The following MAPK10 variants were observed in gnomAD, a reference collection of about 807,000 sequenced individuals.
MAPK10 encodes mitogen-activated protein kinase 10, also known as JNK3 alpha protein kinase.
MAPK10 carries 25 observed loss-of-function variants against 59.3 expected under a neutral mutation model. That is an observed-to-expected ratio of 0.42 (90% CI 0.31 to 0.59). MAPK10 has a LOEUF of 0.59. Ranked by LOEUF, MAPK10 falls within the 20% of genes least tolerant of loss-of-function variation. The pLI is 0.15. For missense variants in MAPK10, 351 were observed against 568.9 expected (o/e 0.62, Z 3.90); for synonymous variants, 190 against 200.5 (o/e 0.95, Z 0.44).
intron 9 of MAPK10, among the ~76,000 whole-genome samples, chr4:86,076,871 TA>T (rs1271825852): frequency 1.3e-5 from 2 of 152,194 alleles, no homozygotes; most frequent in African/African-American, 4.8e-5. Flanking sequence ...AGAATACCCA[TA>T]AATTACCATT....
intron 2 of MAPK10, among the ~76,000 whole-genome samples, chr4:86,325,188 T>G (rs1378063797): frequency 6.6e-6 from 1 of 152,168 alleles, no homozygotes; most frequent in Non-Finnish European, 1.5e-5. Context: ...AATAATTAAG[T>G]AACCAGGATT....
At chr4:86,537,120 G>A (rs747411598) in intron 1 of MAPK10, among the ~76,000 whole-genome samples, 1 of 152,200 alleles carries the variant, frequency 6.6e-6, no homozygotes, top group Non-Finnish European at 1.5e-5. Flanking sequence ...AACAACAGTA[G>A]CCCTGCAGGG....
chr4:86,234,547 A>G (rs565010401), intron 2 of MAPK10, among the ~76,000 whole-genome samples: 1 of 152,118 alleles, frequency 6.6e-6, no homozygotes, highest in Non-Finnish European at 1.5e-5. Flanking sequence ...TCAATAATAA[A>G]TACTATATTA....
intron 2 of MAPK10, chr4:86,300,993 G>A (rs1243675964): frequency 6.6e-6 from 1 of 151,894 alleles, no homozygotes; most frequent in Non-Finnish European, 1.5e-5. Context: ...GAAGGGTTTT[G>A]AGCAAGTTTC....
chr4:86,461,543 G>A (rs996070436), intron 1 of MAPK10, among the ~76,000 whole-genome samples: 6 of 152,192 alleles, frequency 3.9e-5, no homozygotes, highest in African/African-American at 1.4e-4. Context: ...AAGAAGGGGA[G>A]CTTGGAAGCA....
chr4:86,485,934 T>C lies in MAPK10; in HGVS notation c.-263+107976A>G, dbSNP rs553775265. ...ACCAACCCTCCTGGCACCTTTATTGTGAACTTCCAGCCGCCTGAGAAGTGA... is the reference window on the plus strand; with the variant it reads ...ACCAACCCTCCTGGCACCTTTATTGCGAACTTCCAGCCGCCTGAGAAGTGA... On this transcript the variant is annotated intron_variant, in intron 1 of 4. Coordinates refer to the MAPK10 transcript ENST00000502302. Among the ~76,000 whole-genome samples, 35 of 152,330 alleles carry C rather than the reference T, an allele frequency of 2.3e-4. No individual in the cohort carries two copies. The South Asian group carries it at 7.3e-3, about 32-fold the overall frequency.
intron 9 of MAPK10, among the ~76,000 whole-genome samples, chr4:86,074,704 G>C (rs2149013372): frequency 6.9e-6 from 1 of 144,154 alleles, no homozygotes; most frequent in South Asian, 2.2e-4. Flanking sequence ...TTTTCTTTAA[G>C]AATGTTGAAT....
At chr4:86,360,087 G>A (rs1736604584), upstream of MAPK10, 1 of 985,768 alleles carries the variant, frequency 1.0e-6, no homozygotes, top group African/African-American at 1.7e-5. Context: ...AGAGGGCTTG[G>A]GGAATGGGGT....
intron 3 of MAPK10, among the ~76,000 whole-genome samples, chr4:86,171,242 A>T (rs1341154254): frequency 6.6e-6 from 1 of 152,034 alleles, no homozygotes; most frequent in African/African-American, 2.4e-5. Flanking sequence ...AACTGAAGGA[A>T]ATAGAGACAC....
At chr4:86,021,145 A>G (rs1330130053) in intron 13 of MAPK10, among the ~76,000 whole-genome samples, 1 of 152,180 alleles carries the variant, frequency 6.6e-6, no homozygotes, top group African/African-American at 2.4e-5. Flanking sequence ...CAGAGTGTGG[A>G]TTGGTGCACT....
intron 1 of MAPK10, among the ~76,000 whole-genome samples, chr4:86,393,376 G>T (rs1742492430): frequency 6.7e-6 from 1 of 149,510 alleles, no homozygotes; most frequent in South Asian, 2.1e-4. Flanking sequence ...TAAACAAAAA[G>T]AAAAAGTCTA....
At chr4:86,096,091 A>G (rs1264276083) in intron 9 of MAPK10, among the ~76,000 whole-genome samples, 1 of 151,688 alleles carries the variant, frequency 6.6e-6, no homozygotes, top group Non-Finnish European at 1.5e-5. Context: ...GTACTATGTA[A>G]TCATCACTTG....
rs186581893 is a variant in MAPK10, at chr4:86,480,001, C to T, written c.-263+113909G>A. Among the ~76,000 whole-genome samples the T allele has an allele frequency of 2.9e-3, 447 of 152,154 alleles. 4 individuals are homozygous for T. Among genetic ancestry groups the T allele is most frequent in the African/African-American group, 0.01 (423 of 41,504 alleles). The stretch of plus-strand genomic sequence containing the variant: ...TCTCCATACCACCCCCAAAAATTTT[C>T]GCCACCCCAACACTTCAACACTATT... On this transcript the variant is annotated intron_variant, in intron 1 of 4. Coordinates refer to the MAPK10 transcript ENST00000502302.
intron 2 of MAPK10, among the ~76,000 whole-genome samples, chr4:86,299,847 G>A (rs574000029): frequency 5.3e-5 from 8 of 152,090 alleles, no homozygotes; most frequent in Admixed American, 2.0e-4. Flanking sequence ...ATGGTAAACC[G>A]TATTTACATC....
At chr4:86,123,314 T>C (rs1014056089) in intron 4 of MAPK10, among the ~76,000 whole-genome samples, 6 of 152,092 alleles carry the variant, frequency 3.9e-5, no homozygotes, top group Admixed American at 6.6e-5. Flanking sequence ...AACACTTAGA[T>C]TGATTTCTTT....
chr4:86,419,667 T>A (rs1429204665), intron 1 of MAPK10, among the ~76,000 whole-genome samples: 2 of 152,176 alleles, frequency 1.3e-5, no homozygotes, highest in Non-Finnish European at 2.9e-5. Context: ...AATGAAATAA[T>A]GTTTTATAAG....
At chr4:86,463,881 G>A (rs900571228) in intron 1 of MAPK10, among the ~76,000 whole-genome samples, 1 of 152,136 alleles carries the variant, frequency 6.6e-6, no homozygotes, top group African/African-American at 2.4e-5. Flanking sequence ...AATAGATCCA[G>A]AGAAGACTCT....
intron 2 of MAPK10, among the ~76,000 whole-genome samples, chr4:86,285,455 T>C (rs190332980): frequency 1.7e-3 from 264 of 152,172 alleles, no homozygotes; most frequent in African/African-American, 6.0e-3. Context: ...GACCTCGTGA[T>C]CCACCCGCCT....
intron 2 of MAPK10, among the ~76,000 whole-genome samples, chr4:86,210,618 C>A (rs2085495533): frequency 6.6e-6 from 1 of 151,592 alleles, no homozygotes; most frequent in Non-Finnish European, 1.5e-5. Context: ...CTCATGTACA[C>A]CTATGTCTCA....
Sources: allele counts gnomAD v4.1 joint callset (sites outside exome capture counted in the v4.1 genomes callset), GRCh38; gene constraint gnomAD v4.1.1; transcripts MANE v1.5; gene names NCBI Gene and HGNC (gene_info 2026-07-23, HGNC 2026-07-21).